The following PADI1 variants were observed in gnomAD, a reference collection of about 807,000 sequenced individuals.
PADI1 encodes the protein peptidyl arginine deiminase 1.
A neutral mutation model predicts 74.8 loss-of-function variants in PADI1; 65 were observed. The observed-to-expected ratio is 0.87, with a 90% CI of 0.71 to 1.07. The LOEUF (loss-of-function observed/expected upper bound fraction) is 1.07, where lower values mean the gene tolerates loss of function less well. Among genes scored for constraint, PADI1 ranks in the 50% least tolerant of loss-of-function variants. The probability of loss-of-function intolerance (pLI) is 0.00; values close to 1 mark genes in which losing one functional copy is unlikely to be tolerated. For synonymous variants in PADI1, 371 were observed against 336.2 expected (o/e 1.10, Z -1.13); for missense variants, 943 against 854.0 (o/e 1.10, Z -1.30).
At chr1:17,241,091 T>C (rs1312029277) in intron 15 of PADI1, among the ~76,000 whole-genome samples, 1 of 152,144 alleles carries the variant, frequency 6.6e-6, no homozygotes, top group Non-Finnish European at 1.5e-5. Flanking sequence ...AAGCGTGGTT[T>C]GGTTCCAAGT....
chr1:17,232,748 C>T, intron 10 of PADI1, 71 bp from the exon 11 acceptor site: 4 of 1,428,528 alleles, frequency 2.8e-6, no homozygotes, highest in South Asian at 2.8e-5. Context: ...CCCTCTACTC[C>T]AAGAACTGCC....
chr1:17,218,730 T>G (rs2072047383), intron 1 of PADI1, among the ~76,000 whole-genome samples: 1 of 152,034 alleles, frequency 6.6e-6, no homozygotes. Flanking sequence ...AGTTTGGGGA[T>G]GGGTGATATT....
rs748890573 is a variant in PADI1 at position 17,228,779 on chromosome 1, C to T, written c.807C>T (p.Val269=). ...TCCTAGGGCTGGTTTCCCTCAGTGT[C>T]AGCCTGGTGGACCCGGGGGTGTGTA... The part of the protein sequence containing the change: ...ADFLGLVSLS[V]SLVDPGTLPE... The change falls in exon 7 of 16, where the codon GTC becomes GTT. Residue 269 remains valine (V), a synonymous_variant. Coordinates refer to ENST00000375471, the MANE Select transcript of PADI1 (RefSeq NM_013358.3). 1.2e-6 allele frequency: 2 copies of T among 1,614,052 alleles called. No individual in the cohort carries two copies. The highest frequency in any genetic ancestry group is 1.7e-6 in the Non-Finnish European group (2 of 1,179,982).
chr1:17,211,422 G>A (rs1043064491), intron 1 of PADI1, among the ~76,000 whole-genome samples: 4 of 152,014 alleles, frequency 2.6e-5, no homozygotes, highest in Non-Finnish European at 4.4e-5. Context: ...GCCTCCCAAA[G>A]TGCTCGGATT....
chr1:17,222,404 G>T lies in PADI1; in HGVS notation c.207G>T (p.Pro69=). ...VKEPIGKARW[P]LDTDADMVVS... ...AGCCCATAGGCAAGGCCCGTTGGCC[G>T]CTAGACACTGATGCAGACATGGTCG... is the stretch of plus-strand genomic sequence containing the variant. The change falls in exon 2 of 16, where the codon CCG becomes CCT. Residue 69 remains proline (P), a synonymous_variant. Transcript: ENST00000375471. The T allele has an allele frequency of 6.2e-7, 1 of 1,614,088 alleles. No individual in the cohort carries two copies. The highest frequency in any genetic ancestry group is 1.1e-5 in the South Asian group (1 of 91,084).
Position 17,237,298 on chromosome 1 carries a change from T to C in PADI1, c.1314-16T>C, listed in dbSNP as rs2072667277. The stretch of plus-strand genomic sequence containing the variant: ...TCAGGCACAAGGTGACTGCCCGCCC[T>C]CTCCCTCCTGGCCAGGTCCGGTGGG... On this transcript the variant is annotated splice_polypyrimidine_tract_variant and intron_variant, in intron 11 of 15. Transcript: ENST00000375471. The C allele has an allele frequency of 1.3e-6, 2 of 1,592,986 alleles. No homozygotes were observed. The highest frequency in any genetic ancestry group is 2.3e-5 in the East Asian group (1 of 44,152).
chr1:17,238,084 T>A (rs2072689123), intron 12 of PADI1, among the ~76,000 whole-genome samples: 1 of 152,254 alleles, frequency 6.6e-6, no homozygotes, highest in Non-Finnish European at 1.5e-5. Flanking sequence ...AATCTTGCTC[T>A]GTTGCCCAGG....
rs143522851 is a variant in PADI1 at position 17,238,611 on chromosome 1, GC to G, written c.1459-3del. On this transcript the variant is annotated splice_polypyrimidine_tract_variant and splice_region_variant and intron_variant, in intron 12 of 15. Transcript: ENST00000375471. ...ACTGAGCCATTCTCCCTCCCTCCGT[GC>G]CAGGGCTTCCGGCTGCTCCTGGCTA... The G allele has an allele frequency of 4.0e-3, 5,883 of 1,484,792 alleles. 189 individuals are homozygous for G. In the African/African-American group the frequency reaches 0.071, roughly 18 times the overall value. The allele number at this position is 1,484,792 out of a possible 1,614,324, so 92.0% of individuals were successfully genotyped here.
chr1:17,211,650 C>T (rs1212562964), intron 1 of PADI1, among the ~76,000 whole-genome samples: 2 of 152,226 alleles, frequency 1.3e-5, no homozygotes, highest in African/African-American at 4.8e-5. Flanking sequence ...GTTCTAAATT[C>T]TGTGAGCCTA....
chr1:17,218,793 C>T (rs2072049095), intron 1 of PADI1, among the ~76,000 whole-genome samples: 1 of 152,128 alleles, frequency 6.6e-6, no homozygotes, highest in Non-Finnish European at 1.5e-5. Context: ...GCCAGTGATG[C>T]CCTTGAGTAG....
In PADI1 at chr1:17,222,474, A is replaced by G; in HGVS notation, c.273+4A>G. ...TAAGGAATTAAAGGACTTCAAGGTA[A>G]GAGGCCACTTTCTCATAGAAAAGGG... On this transcript the variant is annotated splice_donor_region_variant and intron_variant, in intron 2 of 15. Coordinates refer to ENST00000375471, the MANE Select transcript of PADI1 (RefSeq NM_013358.3). 6.2e-7 allele frequency: 1 copy of G among 1,609,100 alleles called. No individual in the cohort carries two copies. The highest frequency in any genetic ancestry group is 8.5e-7 in the Non-Finnish European group (1 of 1,175,488).
chr1:17,209,252 G>A (rs1024956651), intron 1 of PADI1, among the ~76,000 whole-genome samples: 5 of 152,152 alleles, frequency 3.3e-5, no homozygotes, highest in African/African-American at 7.2e-5. Flanking sequence ...ACAGGCTGCC[G>A]GCCCCTGGCT....
intron 15 of PADI1, among the ~76,000 whole-genome samples, chr1:17,241,038 C>T (rs1260841944): frequency 2.6e-5 from 4 of 152,150 alleles, no homozygotes; most frequent in East Asian, 3.9e-4. Flanking sequence ...TAGGATGCCC[C>T]GCCACAAAGC....
At chr1:17,238,108 G>A (rs1269933520) in intron 12 of PADI1, among the ~76,000 whole-genome samples, 3 of 152,246 alleles carry the variant, frequency 2.0e-5, no homozygotes, top group African/African-American at 7.2e-5. Context: ...GAGTGCAATA[G>A]CGCGATCTTG....
At position 17,226,066 on chromosome 1, in the gene PADI1, G is replaced by T. The variant is rs1401847176; in HGVS notation, c.560G>T (p.Cys187Phe). ...GACATGTCCCCAATGCTGCTGAGCT[G>T]CAATGGCCCCGACAAGCTCTTCGAC... The part of the protein sequence containing the change: ...LQDMSPMLLS[C>F]NGPDKLFDSH... Residue 187 changes from cysteine to phenylalanine, a missense_variant, in exon 6 of 16, where the codon TGC becomes TTC. Transcript: ENST00000375471. 3 of 1,614,060 alleles carry T rather than the reference G, an allele frequency of 1.9e-6. No individual in the cohort carries two copies. Among genetic ancestry groups the T allele is most frequent in the African/African-American group, 1.3e-5 (1 of 74,910 alleles).
intron 6 of PADI1, among the ~76,000 whole-genome samples, chr1:17,227,570 TAAATA>T (rs2072356539): frequency 6.8e-6 from 1 of 147,174 alleles, no homozygotes; most frequent in African/African-American, 2.5e-5. Flanking sequence ...AATAAATAAA[TAAATA>T]AATAAATTAC....
In PADI1 at chr1:17,240,544, G is replaced by A. The variant is rs1397935700; in HGVS notation, c.1633-91G>A. ...AGGCTTGAAGGAGCTAGCGGGCCCAGAGGGCTCCACACGGGCCCAGCGCAC... is the reference window on the plus strand; with the variant it reads ...AGGCTTGAAGGAGCTAGCGGGCCCAAAGGGCTCCACACGGGCCCAGCGCAC... On this transcript the variant is annotated intron_variant, in intron 14 of 15. Coordinates refer to ENST00000375471, the MANE Select transcript of PADI1 (RefSeq NM_013358.3). 6 of 1,436,576 alleles carry A rather than the reference G, an allele frequency of 4.2e-6. No individual in the cohort carries two copies. The Admixed American group carries it at 1.2e-4, about 28-fold the overall frequency. 89.0% of individuals were successfully genotyped at this position (1,436,576 alleles called of 1,614,324 possible). A position where few individuals can be genotyped will look rare whatever the true frequency, so the allele number is the denominator to read the frequency against.
In PADI1 at chr1:17,222,364, G is replaced by T; in HGVS notation, c.167G>T (p.Arg56Leu). Residue 56 changes from arginine to leucine, a missense_variant, in exon 2 of 16, where the codon CGC becomes CTC. Transcript: ENST00000375471. ...SGVEVFMVYN[R>L]TRVKEPIGKA... ...GTGGAGGTCTTCATGGTCTACAACC[G>T]CACACGTGTGAAAGAGCCCATAGGC... 2 of 1,613,738 alleles carry T rather than the reference G, an allele frequency of 1.2e-6. No individual in the cohort carries two copies. Among genetic ancestry groups the T allele is most frequent in the African/African-American group, 1.3e-5 (1 of 75,018 alleles).
At chr1:17,211,808 C>T (rs1234046974) in intron 1 of PADI1, among the ~76,000 whole-genome samples, 4 of 152,152 alleles carry the variant, frequency 2.6e-5, no homozygotes, top group Admixed American at 1.3e-4. Flanking sequence ...TGTGACCTCT[C>T]TGTATTTCAG....
Sources: allele counts gnomAD v4.1 joint callset (sites outside exome capture counted in the v4.1 genomes callset), GRCh38; gene constraint gnomAD v4.1.1; transcripts MANE v1.5; gene names NCBI Gene and HGNC (gene_info 2026-07-23, HGNC 2026-07-21).